Variants in SLC38A1 observed in about 807,000 individuals in gnomAD.
SLC38A1 encodes solute carrier family 38 member 1, also known as sodium-coupled neutral amino acid symporter 1.
SLC38A1 carries 18 observed loss-of-function variants against 60.3 expected under a neutral mutation model. That is an observed-to-expected ratio of 0.30 (90% CI 0.21 to 0.44). The LOEUF is 0.44. SLC38A1 is among the 20% of genes least tolerant of loss of function. The pLI, the probability that SLC38A1 is intolerant of heterozygous loss-of-function variation, is 1.00. For synonymous variants in SLC38A1, 196 were observed against 212.1 expected (o/e 0.92, Z 0.66); for missense variants, 448 against 587.2 (o/e 0.76, Z 2.45).
intron 16 of SLC38A1, among the ~76,000 whole-genome samples, chr12:46,194,671 T>C (rs1396692251): frequency 6.6e-6 from 1 of 152,224 alleles, no homozygotes; most frequent in African/African-American, 2.4e-5. Context: ...CTTTATTTCA[T>C]TAATTTGATC....
intron 5 of SLC38A1, among the ~76,000 whole-genome samples, chr12:46,217,353 C>A (rs1285954359): frequency 1.3e-5 from 2 of 152,058 alleles, no homozygotes; most frequent in Non-Finnish European, 2.9e-5. Context: ...AAAATAAGAC[C>A]AAACAAAAAT....
chr12:46,220,530 A>G (rs1592106077), intron 5 of SLC38A1, among the ~76,000 whole-genome samples: 2 of 152,320 alleles, frequency 1.3e-5, no homozygotes, highest in African/African-American at 4.8e-5. Context: ...TTTAGATCAC[A>G]AGATCCAGTT....
At chr12:46,204,183 T>C (rs1939787054) in intron 11 of SLC38A1, 118 bp downstream of exon 11, 3 of 713,008 alleles carry the variant, frequency 4.2e-6, no homozygotes, top group Non-Finnish European at 7.6e-6. Flanking sequence ...CTGGAAGCAA[T>C]GGTATCATGT....
intron 11 of SLC38A1, among the ~76,000 whole-genome samples, chr12:46,203,690 T>C (rs1272115312): frequency 6.6e-6 from 1 of 152,240 alleles, no homozygotes; most frequent in Non-Finnish European, 1.5e-5. Context: ...TCAATCTAAC[T>C]TCCTATGCAA....
Position 46,187,879 on chromosome 12 carries a change from T to C in SLC38A1, c.*1091A>G, listed in dbSNP as rs1938993473. ...AGGTACAAAATTCTTGTATTTGTAA[T>C]AACCTAGATTTATAGATATAAAACA... On this transcript the variant is annotated 3_prime_UTR_variant, in exon 17 of 17. Transcript: ENST00000398637. The C allele has an allele frequency of 6.6e-6, 1 of 150,678 alleles. No homozygotes were observed. The highest frequency in any genetic ancestry group is 1.5e-5 in the Non-Finnish European group (1 of 67,868). 9.3% of individuals were successfully genotyped at this position (150,678 alleles called of 1,614,324 possible).
intron 12 of SLC38A1, 43 bp downstream of exon 12, chr12:46,202,967 G>C: frequency 6.9e-7 from 1 of 1,441,360 alleles, no homozygotes; most frequent in South Asian, 1.2e-5. Flanking sequence ...ATTAATGAGG[G>C]GATGTAAAAC....
At chr12:46,263,003 A>G (rs1175493015) in intron 1 of SLC38A1, among the ~76,000 whole-genome samples, 1 of 152,210 alleles carries the variant, frequency 6.6e-6, no homozygotes, top group Non-Finnish European at 1.5e-5. Flanking sequence ...TTCCAAAGAT[A>G]AGAAGGTGGA....
At position 46,210,186 on chromosome 12, in the gene SLC38A1, A is replaced by G. The variant is rs78551770; in HGVS notation, c.315-1059T>C. 2.4e-3 allele frequency among the ~76,000 whole-genome samples: 358 copies of G among 151,916 alleles called. 8 individuals are homozygous for G. The East Asian group carries it at 0.061, about 26-fold the overall frequency. ...GCTCTAGGCCCCAGCTCAGATGCCA[A>G]CTCCTCAGTTGCCTTCCCTGGCCCC... On this transcript the variant is annotated intron_variant, in intron 5 of 16. Coordinates refer to ENST00000398637, the MANE Select transcript of SLC38A1 (RefSeq NM_030674.4).
At chr12:46,219,349 T>G (rs1401967808) in intron 5 of SLC38A1, among the ~76,000 whole-genome samples, 1 of 152,252 alleles carries the variant, frequency 6.6e-6, no homozygotes, top group Admixed American at 6.5e-5. Context: ...TGGGGGTAAT[T>G]AACAGGGTTG....
chr12:46,225,586 G>A (rs1434050105), intron 5 of SLC38A1, among the ~76,000 whole-genome samples: 1 of 152,144 alleles, frequency 6.6e-6, no homozygotes, highest in African/African-American at 2.4e-5. Flanking sequence ...TGGGTGATCT[G>A]AACAGCCAAA....
intron 1 of SLC38A1, among the ~76,000 whole-genome samples, chr12:46,251,843 G>C (rs1170149723): frequency 6.6e-6 from 1 of 151,896 alleles, no homozygotes; most frequent in Non-Finnish European, 1.5e-5. Context: ...AAACAACAGA[G>C]GCTGGAGAGG....
intron 2 of SLC38A1, among the ~76,000 whole-genome samples, chr12:46,241,993 C>T (rs1021639703): frequency 9.2e-5 from 14 of 151,958 alleles, no homozygotes; most frequent in Non-Finnish European, 1.3e-4. Flanking sequence ...TAATAGATCC[C>T]GAGTCTACTG....
chr12:46,229,022 G>A, intron 5 of SLC38A1, 131 bp downstream of exon 5: 1 of 534,128 alleles, frequency 1.9e-6, no homozygotes, highest in Non-Finnish European at 3.3e-6. Flanking sequence ...AAATATCAAA[G>A]TATGTACTTG....
chr12:46,247,429 G>A (rs933427656), intron 1 of SLC38A1, among the ~76,000 whole-genome samples: 1 of 152,176 alleles, frequency 6.6e-6, no homozygotes, highest in African/African-American at 2.4e-5. Flanking sequence ...GGAAGAAAGG[G>A]TATCAGTGAT....
chr12:46,235,519 T>C (rs771373720), intron 3 of SLC38A1, among the ~76,000 whole-genome samples: 1 of 152,156 alleles, frequency 6.6e-6, no homozygotes, highest in African/African-American at 2.4e-5. Flanking sequence ...CCTTATTTGA[T>C]GGACAAATTC....
At chr12:46,215,218 ACTGT>A (rs1940352032) in intron 5 of SLC38A1, among the ~76,000 whole-genome samples, 1 of 152,154 alleles carries the variant, frequency 6.6e-6, no homozygotes, top group South Asian at 2.1e-4. Flanking sequence ...CACCCGCCAC[ACTGT>A]CTGTGGTGAG....
At position 46,189,161 on chromosome 12, in the gene SLC38A1, T is replaced by A. The variant is rs538353741; in HGVS notation, c.1363-90A>T. 2.5e-5 allele frequency: 21 copies of A among 833,860 alleles called. No homozygotes were observed. The East Asian group carries it at 2.9e-4, about 11-fold the overall frequency. The allele number at this position is 833,860 out of a possible 1,614,324, so 51.7% of individuals were successfully genotyped here. On this transcript the variant is annotated intron_variant, in intron 16 of 16. Coordinates refer to ENST00000398637, the MANE Select transcript of SLC38A1 (RefSeq NM_030674.4). ...AAAAAAAATAGAACAGTTTTTCCTCTCCCTTTGTGTCCTCTGGTATTCAGA... is the reference window on the plus strand; with the variant it reads ...AAAAAAAATAGAACAGTTTTTCCTCACCCTTTGTGTCCTCTGGTATTCAGA...
intron 3 of SLC38A1, among the ~76,000 whole-genome samples, chr12:46,235,929 T>C (rs1302434416): frequency 6.6e-6 from 1 of 152,178 alleles, no homozygotes; most frequent in African/African-American, 2.4e-5. Flanking sequence ...TCTACTAATG[T>C]TTCACCAAAT....
chr12:46,215,562 C>A (rs1177401605), intron 5 of SLC38A1, among the ~76,000 whole-genome samples: 4 of 152,148 alleles, frequency 2.6e-5, no homozygotes, highest in African/African-American at 9.7e-5. Flanking sequence ...TGCATGCCAC[C>A]ACACCCAGCT....
Sources: gnomAD v4.1 joint callset for allele counts (sites outside exome capture counted in the v4.1 genomes callset) on GRCh38, gnomAD v4.1.1 for gene constraint, MANE v1.5 for transcripts, NCBI Gene and HGNC (gene_info 2026-07-23, HGNC 2026-07-21) for gene names.